Variants in GAPVD1 observed in about 807,000 individuals in gnomAD.
GAPVD1 encodes GTPase activating protein and VPS9 domains 1, also known as GTPase-activating protein and VPS9 domain-containing protein 1.
In GAPVD1, 35 loss-of-function variants were observed where a neutral mutation model predicts 155.5. The ratio of observed to expected loss-of-function variants is 0.23; its 90% CI spans 0.17 to 0.30. GAPVD1 has a LOEUF of 0.30. Ranked by LOEUF, GAPVD1 falls within the 10% of genes least tolerant of loss-of-function variation. GAPVD1 has a pLI of 1.00. For synonymous variants in GAPVD1, 636 were observed against 619.7 expected (o/e 1.03, Z -0.39); for missense variants, 1,429 against 1,775.7 (o/e 0.80, Z 3.51).
chr9:125,325,831 A>G (rs1845090138), intron 11 of GAPVD1, among the ~76,000 whole-genome samples: 1 of 152,230 alleles, frequency 6.6e-6, no homozygotes, highest in Non-Finnish European at 1.5e-5. Flanking sequence ...CCATGGCTTC[A>G]GTTACCCATG....
At chr9:125,294,186 G>A (rs1483820491) in intron 2 of GAPVD1, among the ~76,000 whole-genome samples, 4 of 151,452 alleles carry the variant, frequency 2.6e-5, no homozygotes, top group South Asian at 2.1e-4. Flanking sequence ...GATTACAGGC[G>A]TGAGCCACTG....
chr9:125,321,575 T>G lies in GAPVD1; in HGVS notation c.1732+13T>G. On this transcript the variant is annotated intron_variant, in intron 10 of 27. Transcript: ENST00000297933. ...GGAATATCTGAAGGTGAAGGGTTAC[T>G]TCATTCAAGGAGTTGTGTGGTTCAA... 4 of 1,609,544 alleles carry G rather than the reference T, an allele frequency of 2.5e-6. No homozygotes were observed. The highest frequency in any genetic ancestry group is 3.4e-6 in the Non-Finnish European group (4 of 1,177,948).
At chr9:125,344,484 C>T (rs952631536) in intron 19 of GAPVD1, among the ~76,000 whole-genome samples, 3 of 152,064 alleles carry the variant, frequency 2.0e-5, no homozygotes, top group Non-Finnish European at 4.4e-5. Flanking sequence ...GAAAATATTA[C>T]AGATTTATAT....
chr9:125,290,709 G>A (rs190617180), intron 2 of GAPVD1, among the ~76,000 whole-genome samples: 3 of 152,206 alleles, frequency 2.0e-5, no homozygotes, highest in Non-Finnish European at 4.4e-5. Context: ...TTGTGATAAT[G>A]GGGTTAAAGT....
At chr9:125,267,257 T>C (rs965949900) in intron 1 of GAPVD1, among the ~76,000 whole-genome samples, 1 of 152,156 alleles carries the variant, frequency 6.6e-6, no homozygotes, top group Non-Finnish European at 1.5e-5. Flanking sequence ...TACTTGAGCC[T>C]AGGAATTTGA....
intron 9 of GAPVD1, among the ~76,000 whole-genome samples, chr9:125,314,046 G>A (rs1294737753): frequency 2.0e-5 from 3 of 152,198 alleles, no homozygotes; most frequent in Non-Finnish European, 4.4e-5. Flanking sequence ...CCAAGCATAA[G>A]GAATTTTCCA....
chr9:125,355,141 G>A (rs538658309), intron 24 of GAPVD1, among the ~76,000 whole-genome samples: 11 of 151,934 alleles, frequency 7.2e-5, no homozygotes, highest in Non-Finnish European at 1.0e-4. Context: ...CTTTTGAGAC[G>A]GAGTCTTGCT....
At chr9:125,334,407 C>T (rs1002497051) in intron 15 of GAPVD1, among the ~76,000 whole-genome samples, 2 of 151,924 alleles carry the variant, frequency 1.3e-5, no homozygotes, top group Non-Finnish European at 1.5e-5. Context: ...ACCCATATTG[C>T]GTTTTCACCG....
At position 125,309,803 on chromosome 9, in the gene GAPVD1, A is replaced by G. The variant is rs117744291; in HGVS notation, c.1441+1923A>G. On this transcript the variant is annotated intron_variant, in intron 8 of 27. Coordinates refer to ENST00000297933, the MANE Select transcript of GAPVD1 (RefSeq NM_001282680.3). ...TGAGTCTGATGGAAAGTGAATTTCA[A>G]ATGTATGCCCAATATTATTTTGTAT... 59 of 215,694 alleles carry G rather than the reference A, an allele frequency of 2.7e-4. 1 individual carries two copies. The East Asian group carries it at 6.1e-3, about 22-fold the overall frequency. 13.4% of individuals were successfully genotyped at this position (215,694 alleles called of 1,614,324 possible).
At chr9:125,329,623 G>A (rs1319886060) in intron 12 of GAPVD1, among the ~76,000 whole-genome samples, 2 of 137,944 alleles carry the variant, frequency 1.4e-5, no homozygotes, top group African/African-American at 5.6e-5. Context: ...TAGGTAGAGA[G>A]GAATTTGGTG....
intron 17 of GAPVD1, among the ~76,000 whole-genome samples, chr9:125,339,332 T>C (rs551026715): frequency 2.6e-5 from 4 of 152,260 alleles, no homozygotes; most frequent in East Asian, 1.9e-4. Context: ...CTATTACTTA[T>C]TTTGAAGCCC....
chr9:125,305,205 C>G (rs988750476), intron 6 of GAPVD1, 56 bp downstream of exon 6: 16 of 1,131,024 alleles, frequency 1.4e-5, no homozygotes, highest in Non-Finnish European at 2.0e-5. Context: ...CCTAACTGTT[C>G]TCTTTATTAA....
At chr9:125,312,919 C>A (rs993227603) in intron 9 of GAPVD1, among the ~76,000 whole-genome samples, 1 of 152,096 alleles carries the variant, frequency 6.6e-6, no homozygotes, top group Non-Finnish European at 1.5e-5. Context: ...ATCCCGGGTT[C>A]AAGCAATTCT....
Sources: allele counts gnomAD v4.1 joint callset (sites outside exome capture counted in the v4.1 genomes callset), GRCh38; gene constraint gnomAD v4.1.1; transcripts MANE v1.5; gene names NCBI Gene and HGNC (gene_info 2026-07-23, HGNC 2026-07-21).